The following ZFP3 variants were observed in gnomAD, a reference collection of about 807,000 sequenced individuals.
ZFP3 encodes the protein zinc finger protein 3 homolog.
A neutral mutation model predicts 36.7 loss-of-function variants in ZFP3; 18 were observed. That is an observed-to-expected ratio of 0.49 (90% CI 0.34 to 0.73). The LOEUF is 0.73. ZFP3 is among the 30% of genes least tolerant of loss of function. ZFP3 has a pLI of 0.01. For synonymous variants in ZFP3, 218 were observed against 199.0 expected, an observed-to-expected ratio of 1.10 and a Z score of -0.81; for missense variants, 495 against 599.0, an observed-to-expected ratio of 0.83 and a Z score of 1.81.
In ZFP3 at chr17:5,078,824, G is replaced by C. The variant is rs533494955; in HGVS notation, c.-9+249G>C. ...GGTTTGGTGCCTGTCAGCCGTGGGG[G>C]TGGGAGAAGCAGGGACACTCCCTTC... On this transcript the variant is annotated intron_variant, in intron 1 of 1. Transcript: ENST00000318833. The surrounding 1 kb of genome is among the most constrained non-coding windows in gnomAD (Gnocchi z 4.5). Among the ~76,000 whole-genome samples the C allele has an allele frequency of 3.3e-5, 5 of 152,328 alleles. No homozygotes were observed. In the East Asian group the frequency reaches 5.8e-4, roughly 18 times the overall value.
At chr17:5,082,501 A>G (rs1197306254) in intron 1 of ZFP3, among the ~76,000 whole-genome samples, 2 of 152,302 alleles carry the variant, frequency 1.3e-5, no homozygotes, top group East Asian at 3.9e-4. Flanking sequence ...TTTGTAATAC[A>G]AGTCCCAATC....
rs1483637511 is a variant in ZFP3, at chr17:5,094,188, G to T, written c.*1175G>T. ...GATGTCGTAGCCTCTTCTTGGTTTTGCCCCTTGGCCTTGAAATTCTTTTTT... is the reference window on the plus strand; with the variant it reads ...GATGTCGTAGCCTCTTCTTGGTTTTTCCCCTTGGCCTTGAAATTCTTTTTT... On this transcript the variant is annotated 3_prime_UTR_variant, in exon 2 of 2. Coordinates refer to ENST00000318833, the MANE Select transcript of ZFP3 (RefSeq NM_153018.3). 4.2e-5 allele frequency: 7 copies of T among 167,098 alleles called. No homozygotes were observed. The highest frequency in any genetic ancestry group is 1.7e-4 in the African/African-American group (7 of 41,446). The allele number at this position is 167,098 out of a possible 1,614,324, so 10.4% of individuals were successfully genotyped here.
In ZFP3 at chr17:5,093,556, T is replaced by G; in HGVS notation, c.*543T>G. Reference sequence around the variant, plus strand: ...CTCCTAAGAATGAGAGTTGACTCATTGACTGTTACCCCCTGAAATATTAGA... The same window carrying G: ...CTCCTAAGAATGAGAGTTGACTCATGGACTGTTACCCCCTGAAATATTAGA... On this transcript the variant is annotated 3_prime_UTR_variant, in exon 2 of 2. Coordinates refer to ENST00000318833, the MANE Select transcript of ZFP3 (RefSeq NM_153018.3). 1 of 167,324 alleles carries G rather than the reference T, an allele frequency of 6.0e-6. No individual in the cohort carries two copies. The allele number at this position is 167,324 out of a possible 1,614,324, so 10.4% of individuals were successfully genotyped here. A position where few individuals can be genotyped will look rare whatever the true frequency, so the allele number is the denominator to read the frequency against.
chr17:5,084,603 T>C (rs969124500), intron 1 of ZFP3, among the ~76,000 whole-genome samples: 1 of 152,164 alleles, frequency 6.6e-6, no homozygotes, highest in Admixed American at 6.5e-5. Context: ...CTTGCTTTCC[T>C]TGGGTGCATT....
In ZFP3 at chr17:5,091,529, A is replaced by G. The variant is rs1160448804; in HGVS notation, c.25A>G (p.Ile9Val). The G allele has an allele frequency of 2.5e-6, 4 of 1,614,060 alleles. No homozygotes were observed. The Admixed American group carries it at 6.7e-5, about 27-fold the overall frequency. ...GATGGGGACTGAGAACAAGGAGGTG[A>G]TTCCCAAGGAAGAAATTTCTGAAGA... MGTENKEVIPKEEISEESE... is the reference protein window; with the variant it reads MGTENKEVVPKEEISEESE... The change falls in exon 2 of 2, where the codon ATT becomes GTT. Residue 9 changes from isoleucine to valine, a missense_variant. This residue lies in a region of ZFP3 where 229 missense variants were observed against 233.8 expected (regional missense o/e 0.98). Coordinates refer to ENST00000318833, the MANE Select transcript of ZFP3 (RefSeq NM_153018.3).
chr17:5,085,476 C>T (rs765598171), intron 1 of ZFP3, among the ~76,000 whole-genome samples: 108 of 152,184 alleles, frequency 7.1e-4, no homozygotes, highest in Non-Finnish European at 1.3e-3. Flanking sequence ...TCACGCCACT[C>T]GCCTGCATCA....
chr17:5,092,545 C>T lies in ZFP3; in HGVS notation c.1041C>T (p.Gly347=). 1 of 1,613,886 alleles carries T rather than the reference C, an allele frequency of 6.2e-7. No homozygotes were observed. The highest frequency in any genetic ancestry group is 8.5e-7 in the Non-Finnish European group (1 of 1,179,974). Residue 347 remains glycine, a synonymous_variant, in exon 2 of 2, where the codon GGC becomes GGT. Transcript: ENST00000318833. The surrounding 1 kb of genome is among the most constrained non-coding windows in gnomAD (Gnocchi z 5.0). The part of the protein sequence containing the change: ...YECNECGKTF[G]QNSEIIRHIR... ...GTAATGAATGTGGGAAAACTTTTGGCCAGAACTCAGAGATTATTAGACATA... is the reference window on the plus strand; with the variant it reads ...GTAATGAATGTGGGAAAACTTTTGGTCAGAACTCAGAGATTATTAGACATA...
At chr17:5,091,077 A>G (rs1284165036) in intron 1 of ZFP3, among the ~76,000 whole-genome samples, 1 of 151,866 alleles carries the variant, frequency 6.6e-6, no homozygotes, top group Non-Finnish European at 1.5e-5. Flanking sequence ...CACCGTTAAT[A>G]TTATGGATTT....
chr17:5,093,561 G>C lies in ZFP3; in HGVS notation c.*548G>C, dbSNP rs1189468611. 2 of 167,044 alleles carry C rather than the reference G, an allele frequency of 1.2e-5. No homozygotes were observed. Among genetic ancestry groups the C allele is most frequent in the Non-Finnish European group, 2.9e-5 (2 of 68,220 alleles). The allele number at this position is 167,044 out of a possible 1,614,324, so 10.3% of individuals were successfully genotyped here. On this transcript the variant is annotated 3_prime_UTR_variant, in exon 2 of 2. Coordinates refer to ENST00000318833, the MANE Select transcript of ZFP3 (RefSeq NM_153018.3). ...AAGAATGAGAGTTGACTCATTGACT[G>C]TTACCCCCTGAAATATTAGAAAGTC... is the stretch of plus-strand genomic sequence containing the variant.
chr17:5,093,170 A>T lies in ZFP3; in HGVS notation c.*157A>T. ...TTTAAATAGTTGGTTGAAGAAGATG[A>T]GGCACTTTTTTTTTTTTTTTTTTAA... On this transcript the variant is annotated 3_prime_UTR_variant, in exon 2 of 2. Transcript: ENST00000318833. 7.4e-6 allele frequency: 5 copies of T among 679,978 alleles called. No homozygotes were observed. The highest frequency in any genetic ancestry group is 1.1e-5 in the Non-Finnish European group (5 of 471,710). The allele number at this position is 679,978 out of a possible 1,614,324, so 42.1% of individuals were successfully genotyped here.
chr17:5,082,343 T>A (rs1377858941), intron 1 of ZFP3, among the ~76,000 whole-genome samples: 1 of 151,848 alleles, frequency 6.6e-6, no homozygotes, highest in African/African-American at 2.4e-5. Flanking sequence ...TGAGACTCCG[T>A]CTCAAAAAAA....
In ZFP3 at chr17:5,092,949, G is replaced by A. The variant is rs755141357; in HGVS notation, c.1445G>A (p.Cys482Tyr). The change falls in exon 2 of 2, where the codon TGT becomes TAT. Residue 482 changes from cysteine (C) to tyrosine (Y), a missense_variant. Around this residue, in one of 3 missense-constraint regions of ZFP3, gnomAD observed 163 missense variants for 178.4 expected, o/e 0.91. Coordinates refer to ENST00000318833, the MANE Select transcript of ZFP3 (RefSeq NM_153018.3). This position sits in a 1 kb window ranked among gnomAD's most constrained non-coding sequence, Gnocchi z 5.0. ...TGEKPYECQE[C>Y]QKTFSRSSHL... ...GAGAAGCCTTATGAGTGCCAAGAAT[G>A]TCAGAAGACTTTTAGTCGGAGCTCT... 1 of 1,613,538 alleles carries A rather than the reference G, an allele frequency of 6.2e-7. No individual in the cohort carries two copies. Among genetic ancestry groups the A allele is most frequent in the Non-Finnish European group, 8.5e-7 (1 of 1,179,778 alleles).
rs1486717938 is a variant in ZFP3 at position 5,091,520 on chromosome 17, A to G, written c.16A>G (p.Lys6Glu). The change falls in exon 2 of 2, where the codon AAG becomes GAG. Residue 6 changes from lysine (K) to glutamate (E), a missense_variant. Lys to Glu is a moderately conservative substitution (Grantham distance 56). Around this residue, in one of 3 missense-constraint regions of ZFP3, gnomAD observed 229 missense variants for 233.8 expected, o/e 0.98. Transcript: ENST00000318833. ...AGATTGTGAGATGGGGACTGAGAAC[A>G]AGGAGGTGATTCCCAAGGAAGAAAT... Reference protein sequence around the residue: MGTENKEVIPKEEISE... With the variant: MGTENEEVIPKEEISE... 1 of 1,614,028 alleles carries G rather than the reference A, an allele frequency of 6.2e-7. No homozygotes were observed. The highest frequency in any genetic ancestry group is 1.1e-5 in the South Asian group (1 of 91,074).
At chr17:5,082,848 G>C (rs1303889829) in intron 1 of ZFP3, among the ~76,000 whole-genome samples, 1 of 152,170 alleles carries the variant, frequency 6.6e-6, no homozygotes, top group Non-Finnish European at 1.5e-5. Context: ...GATGTAATCA[G>C]GTTGTCAGTC....
At chr17:5,086,750 C>T (rs1376890780) in intron 1 of ZFP3, among the ~76,000 whole-genome samples, 9 of 120,248 alleles carry the variant, frequency 7.5e-5, no homozygotes, top group Admixed American at 3.1e-4. Context: ...TTTTTTGAGA[C>T]GGAGTCTCGC....
At chr17:5,091,250 GTTTTGTTT>G (rs2072148067) in intron 1 of ZFP3, among the ~76,000 whole-genome samples, 1 of 151,912 alleles carries the variant, frequency 6.6e-6, no homozygotes, top group Non-Finnish European at 1.5e-5. Context: ...GACTGTTTCT[GTTTTGTTT>G]TTTTGTTTTG....
chr17:5,085,825 A>T (rs2072118182), intron 1 of ZFP3, among the ~76,000 whole-genome samples: 1 of 152,244 alleles, frequency 6.6e-6, no homozygotes, highest in African/African-American at 2.4e-5. Flanking sequence ...GAACTAGATG[A>T]TGGAAAATAA....
At position 5,092,831 on chromosome 17, in the gene ZFP3, C is replaced by T; in HGVS notation, c.1327C>T (p.His443Tyr). ...TGAGCTGCTTCTCCACCAGAAAATTCATATTGGAGAGAAACCTTATGAATG... is the reference window on the plus strand; with the variant it reads ...TGAGCTGCTTCTCCACCAGAAAATTTATATTGGAGAGAAACCTTATGAATG... ...NSELLLHQKI[H>Y]IGEKPYECSE... The change falls in exon 2 of 2, where the codon CAT becomes TAT. Residue 443 changes from histidine (H) to tyrosine (Y), a missense_variant. Physicochemically the swap from His to Tyr is moderately conservative, Grantham distance 83 (BLOSUM62 2). Around this residue, in one of 3 missense-constraint regions of ZFP3, gnomAD observed 163 missense variants for 178.4 expected, o/e 0.91. Transcript: ENST00000318833. This position sits in a 1 kb window ranked among gnomAD's most constrained non-coding sequence, Gnocchi z 5.0. 6.2e-7 allele frequency: 1 copy of T among 1,614,142 alleles called. No homozygotes were observed. The highest frequency in any genetic ancestry group is 8.5e-7 in the Non-Finnish European group (1 of 1,180,020).
chr17:5,083,846 ATTTTCTTTTC>A (rs71149521), intron 1 of ZFP3, among the ~76,000 whole-genome samples: 53,840 of 148,680 alleles, frequency 0.36, 11,637 homozygotes, highest in Non-Finnish European at 0.49. Flanking sequence ...TTCCATGCAG[ATTTTCTTTTC>A]TTTTCTTTTC....
Sources: allele counts gnomAD v4.1 joint callset (sites outside exome capture counted in the v4.1 genomes callset), GRCh38; gene constraint gnomAD v4.1.1; regional missense constraint gnomAD v4.1.1; non-coding constraint Gnocchi (gnomAD v3.1); transcripts MANE v1.5; gene names NCBI Gene and HGNC (gene_info 2026-07-23, HGNC 2026-07-21).